The following PIK3C2G variants were observed in gnomAD, a reference collection of about 807,000 sequenced individuals.
The protein encoded by PIK3C2G is phosphatidylinositol-4-phosphate 3-kinase catalytic subunit type 2 gamma, also known as phosphatidylinositol 3-kinase C2 domain-containing subunit gamma.
PIK3C2G carries 168 observed loss-of-function variants against 181.1 expected under a neutral mutation model. The observed-to-expected ratio is 0.93, with a 90% CI of 0.82 to 1.05. The LOEUF (loss-of-function observed/expected upper bound fraction) is 1.05, where lower values mean the gene tolerates loss of function less well. Among genes scored for constraint, PIK3C2G ranks in the 50% least tolerant of loss-of-function variants. PIK3C2G has a pLI of 0.00. For missense variants in PIK3C2G, 1,869 were observed against 1,732.8 expected, an observed-to-expected ratio of 1.08 and a Z score of -1.40; for synonymous variants, 573 against 592.2, an observed-to-expected ratio of 0.97 and a Z score of 0.47.
intron 24 of PIK3C2G, among the ~76,000 whole-genome samples, chr12:18,536,399 G>C (rs1226929462): frequency 6.6e-6 from 1 of 152,084 alleles, no homozygotes; most frequent in Admixed American, 6.6e-5. Flanking sequence ...CAAGAGTCAA[G>C]TGCTCTTATC....
At chr12:18,274,301 G>A (rs1019759214) in intron 1 of PIK3C2G, among the ~76,000 whole-genome samples, 1 of 152,138 alleles carries the variant, frequency 6.6e-6, no homozygotes, top group African/African-American at 2.4e-5. Context: ...TCCCATTACT[G>A]GGTATATACC....
At chr12:18,432,550 G>C (rs1018691404) in intron 18 of PIK3C2G, among the ~76,000 whole-genome samples, 1 of 152,146 alleles carries the variant, frequency 6.6e-6, no homozygotes, top group Non-Finnish European at 1.5e-5. Flanking sequence ...TCCCTGAAAA[G>C]CAGTATTATA....
chr12:18,324,148 G>A lies in PIK3C2G; in HGVS notation c.1209-887G>A, dbSNP rs191785515. 2.2e-4 allele frequency among the ~76,000 whole-genome samples: 34 copies of A among 152,080 alleles called. No individual in the cohort carries two copies. The East Asian group carries it at 6.4e-3, about 29-fold the overall frequency. On this transcript the variant is annotated intron_variant, in intron 7 of 32. Transcript: ENST00000538779. Reference sequence around the variant, plus strand: ...GGCAGGAGAATGACGTGAACCCCGGGGGGCGGAGCCTGCAGTGAGCGGAGA... The same window carrying A: ...GGCAGGAGAATGACGTGAACCCCGGAGGGCGGAGCCTGCAGTGAGCGGAGA...
rs530274529 is a variant in PIK3C2G, at chr12:18,611,998, G to A, written c.4182+2369G>A. ...CATTCCTCTCTTCATATCCCTTTGC[G>A]GAAGGAGTCTTATATCAGTTGCAAT... On this transcript the variant is annotated intron_variant, in intron 31 of 32. Transcript: ENST00000538779. 4.2e-4 allele frequency among the ~76,000 whole-genome samples: 64 copies of A among 152,066 alleles called. No individual in the cohort carries two copies. The South Asian group carries it at 5.6e-3, about 13-fold the overall frequency.
Position 18,422,312 on chromosome 12 carries a change from G to GA in PIK3C2G, c.2409+1283dup, listed in dbSNP as rs570821971. ...TGGAAAGAAATAGATAATGTGACTAGAAAAATTTAAAAAAAAAACACTGGA... is the reference window on the plus strand; with the variant it reads ...TGGAAAGAAATAGATAATGTGACTAGAAAAAATTTAAAAAAAAAACACTGGA... On this transcript the variant is annotated intron_variant, in intron 17 of 32. Transcript: ENST00000538779. Among the ~76,000 whole-genome samples, 1,114 of 137,206 alleles carry GA rather than the reference G, an allele frequency of 8.1e-3. 15 individuals carry two copies. The highest frequency in any genetic ancestry group is 0.029 in the African/African-American group (1,078 of 37,166). 90.0% of individuals were successfully genotyped at this position (137,206 alleles called of 152,430 possible).
chr12:18,523,534 C>A (rs1021501978), intron 24 of PIK3C2G, among the ~76,000 whole-genome samples: 6 of 152,200 alleles, frequency 3.9e-5, no homozygotes, highest in African/African-American at 1.4e-4. Flanking sequence ...TGCCTCCTAG[C>A]ATGGGGAAGA....
the PIK3C2G span, among the ~76,000 whole-genome samples, chr12:18,670,082 G>A: frequency 1.3e-5 from 2 of 152,090 alleles, no homozygotes; most frequent in Non-Finnish European, 2.9e-5. Flanking sequence ...CCCATTGGGA[G>A]TTAGGGCTTC....
downstream of PIK3C2G, chr12:18,648,437 CAATTT>C: frequency 4.9e-6 from 1 of 203,354 alleles, no homozygotes; most frequent in Non-Finnish European, 1.0e-5. Flanking sequence ...TATCTGTAAT[CAATTT>C]TTAAAACTTA....
intron 11 of PIK3C2G, among the ~76,000 whole-genome samples, chr12:18,351,351 C>T (rs920358122): frequency 6.6e-5 from 10 of 152,024 alleles, no homozygotes; most frequent in African/African-American, 1.9e-4. Flanking sequence ...TCACCATTTC[C>T]TCTATGCCAT....
chr12:18,506,771 G>T (rs1181594194), intron 24 of PIK3C2G, among the ~76,000 whole-genome samples: 1 of 152,118 alleles, frequency 6.6e-6, no homozygotes, highest in Non-Finnish European at 1.5e-5. Flanking sequence ...TATGAAGGTA[G>T]AAATAGGATC....
intron 13 of PIK3C2G, among the ~76,000 whole-genome samples, chr12:18,375,740 T>C (rs1942391003): frequency 6.6e-6 from 1 of 152,204 alleles, no homozygotes; most frequent in Non-Finnish European, 1.5e-5. Flanking sequence ...ACCTGAGGCC[T>C]AGGAGGAAAG....
chr12:18,550,538 G>T (rs1944673452), intron 26 of PIK3C2G, among the ~76,000 whole-genome samples: 1 of 151,852 alleles, frequency 6.6e-6, no homozygotes, highest in African/African-American at 2.4e-5. Flanking sequence ...AAAAAAAATG[G>T]TTTGTCATAG....
intron 18 of PIK3C2G, among the ~76,000 whole-genome samples, chr12:18,430,814 T>A (rs1946111719): frequency 6.6e-6 from 1 of 152,162 alleles, no homozygotes; most frequent in South Asian, 2.1e-4. Flanking sequence ...TGGAGCAGCA[T>A]CTTCTGTACC....
chr12:18,718,923 A>G, the PIK3C2G span, among the ~76,000 whole-genome samples: 1 of 152,196 alleles, frequency 6.6e-6, no homozygotes, highest in Non-Finnish European at 1.5e-5. Context: ...CAGCAATGCA[A>G]TGTGGATTAT....
chr12:18,285,067 G>A (rs975440488), intron 2 of PIK3C2G, among the ~76,000 whole-genome samples: 5 of 152,028 alleles, frequency 3.3e-5, no homozygotes, highest in African/African-American at 1.2e-4. Context: ...GCCACATATA[G>A]ACATTTTATA....
chr12:18,378,202 A>C (rs1942585605), intron 13 of PIK3C2G, among the ~76,000 whole-genome samples: 1 of 152,188 alleles, frequency 6.6e-6, no homozygotes, highest in Non-Finnish European at 1.5e-5. Flanking sequence ...AGATTTCTGG[A>C]GTAAAGCATA....
rs80256126 is a variant in PIK3C2G at position 18,584,764 on chromosome 12, A to G, written c.4012-9730A>G. Among the ~76,000 whole-genome samples the G allele has an allele frequency of 8.5e-5, 13 of 152,266 alleles. No homozygotes were observed. In the East Asian group the frequency reaches 2.3e-3, roughly 27 times the overall value. ...TATCAGATTTTCCAAGATTGAAATG[A>G]AAGAAAAAATATTAAAAGGAGCTAG... On this transcript the variant is annotated intron_variant, in intron 29 of 32. Transcript: ENST00000538779.
chr12:18,311,527 AG>A (rs1441320415), intron 5 of PIK3C2G, among the ~76,000 whole-genome samples: 2 of 126,038 alleles, frequency 1.6e-5, no homozygotes, highest in Admixed American at 8.3e-5. Flanking sequence ...TATGGTATAA[AG>A]GGGTGTGTGT....
intron 29 of PIK3C2G, among the ~76,000 whole-genome samples, chr12:18,591,503 C>A (rs1020590115): frequency 6.6e-6 from 1 of 151,344 alleles, no homozygotes; most frequent in Non-Finnish European, 1.5e-5. Flanking sequence ...TGGATAGGGG[C>A]AGAAAAGAAA....
Sources: gnomAD v4.1 joint callset for allele counts (sites outside exome capture counted in the v4.1 genomes callset) on GRCh38, gnomAD v4.1.1 for gene constraint, MANE v1.5 for transcripts, NCBI Gene and HGNC (gene_info 2026-07-23, HGNC 2026-07-21) for gene names.